The following COLEC10 variants were observed in gnomAD, a reference collection of about 807,000 sequenced individuals.
COLEC10 encodes collectin subfamily member 10, also known as collectin-10.
A neutral mutation model predicts 28.4 loss-of-function variants in COLEC10; 22 were observed. The observed-to-expected ratio is 0.78, with a 90% confidence interval of 0.55 to 1.11. The LOEUF is 1.11. COLEC10 is among the 50% of genes least tolerant of loss of function. The pLI is 0.00. For missense variants in COLEC10, 361 were observed against 344.1 expected, an observed-to-expected ratio of 1.05 and a Z score of -0.39; for synonymous variants, 125 against 116.1, an observed-to-expected ratio of 1.08 and a Z score of -0.49.
intron 1 of COLEC10, among the ~76,000 whole-genome samples, chr8:119,085,880 A>G (rs1815471559): frequency 6.6e-6 from 1 of 151,840 alleles, no homozygotes; most frequent in Non-Finnish European, 1.5e-5. Context: ...GGCCTCCCAA[A>G]GTGCTGAGAT....
At chr8:119,070,580 TCTC>T (rs2130231208) in intron 1 of COLEC10, among the ~76,000 whole-genome samples, 2 of 63,484 alleles carry the variant, frequency 3.2e-5, no homozygotes, top group East Asian at 9.3e-4. Flanking sequence ...CCCCACCCCT[TCTC>T]TCTCTCTCTC....
At chr8:118,996,130 G>A (rs893363446) in intron 1 of COLEC10, among the ~76,000 whole-genome samples, 3 of 152,128 alleles carry the variant, frequency 2.0e-5, no homozygotes, top group Non-Finnish European at 4.4e-5. Flanking sequence ...AAAGGATCAT[G>A]CTGTGTTTGT....
chr8:119,061,520 A>G (rs1814856413), intron 2 of COLEC10, among the ~76,000 whole-genome samples: 1 of 152,030 alleles, frequency 6.6e-6, no homozygotes, highest in African/African-American at 2.4e-5. Flanking sequence ...TGTGAACAAC[A>G]TCAAATTTCT....
the COLEC10 span, among the ~76,000 whole-genome samples, chr8:118,986,928 T>TTACCCA: frequency 6.6e-6 from 1 of 152,182 alleles, no homozygotes; most frequent in South Asian, 2.1e-4. Flanking sequence ...AGGGGATTTC[T>TTACCCA]TTTAGGGTGT....
the COLEC10 span, among the ~76,000 whole-genome samples, chr8:118,986,935 G>A: frequency 6.6e-6 from 1 of 152,132 alleles, no homozygotes; most frequent in South Asian, 2.1e-4. Flanking sequence ...TTCTTTTAGG[G>A]TGTTGAAATG....
intron 2 of COLEC10, among the ~76,000 whole-genome samples, chr8:119,015,773 A>G (rs538375442): frequency 1.3e-5 from 2 of 152,064 alleles, no homozygotes; most frequent in Non-Finnish European, 2.9e-5. Context: ...CTGAGAAGAG[A>G]GTGGTTTTCT....
At chr8:119,098,748 A>G (rs1815767453) in intron 3 of COLEC10, among the ~76,000 whole-genome samples, 1 of 152,054 alleles carries the variant, frequency 6.6e-6, no homozygotes, top group Non-Finnish European at 1.5e-5. Context: ...CTTAATATCA[A>G]TTTCCACCAT....
intron 3 of COLEC10, among the ~76,000 whole-genome samples, chr8:119,097,096 G>C (rs934817642): frequency 6.6e-6 from 1 of 152,098 alleles, no homozygotes; most frequent in African/African-American, 2.4e-5. Flanking sequence ...TTGTAACACA[G>C]TTCTAAGTCA....
chr8:118,981,070 T>C, the COLEC10 span, among the ~76,000 whole-genome samples: 1 of 151,922 alleles, frequency 6.6e-6, no homozygotes, highest in African/African-American at 2.4e-5. Flanking sequence ...GCCTACAGGG[T>C]CTTGTTAGTT....
intron 1 of COLEC10, among the ~76,000 whole-genome samples, chr8:119,001,706 A>AAAAC (rs3082623): frequency 0.63 from 95,180 of 150,646 alleles, 31,441 homozygotes; most frequent in African/African-American, 0.84. Context: ...CCAAAACAGT[A>AAAAC]AAACAAACAA....
chr8:118,953,757 A>C, the COLEC10 span, among the ~76,000 whole-genome samples: 1 of 152,222 alleles, frequency 6.6e-6, no homozygotes, highest in Non-Finnish European at 1.5e-5. Flanking sequence ...TCCTATAGTT[A>C]TGATTATTCT....
At chr8:119,037,783 T>G (rs1175978480) in intron 2 of COLEC10, among the ~76,000 whole-genome samples, 1 of 152,246 alleles carries the variant, frequency 6.6e-6, no homozygotes, top group Non-Finnish European at 1.5e-5. Context: ...CCTTCTCTTC[T>G]TTTGTTCGTG....
the COLEC10 span, among the ~76,000 whole-genome samples, chr8:118,984,246 A>G: frequency 6.6e-6 from 1 of 152,068 alleles, no homozygotes; most frequent in Non-Finnish European, 1.5e-5. Context: ...AAAACCAAAT[A>G]CTATATGTTC....
At chr8:119,063,604 T>C (rs1209059861), upstream of COLEC10, among the ~76,000 whole-genome samples, 1 of 152,112 alleles carries the variant, frequency 6.6e-6, no homozygotes, top group African/African-American at 2.4e-5. Context: ...TCTAGGATGA[T>C]CTCATCTTGA....
chr8:119,044,358 T>C (rs1167300313), intron 2 of COLEC10, among the ~76,000 whole-genome samples: 1 of 152,164 alleles, frequency 6.6e-6, no homozygotes, highest in Non-Finnish European at 1.5e-5. Flanking sequence ...GGTAACACTA[T>C]GTACTTGAAA....
intron 2 of COLEC10, among the ~76,000 whole-genome samples, chr8:119,059,681 G>GGTGGA (rs1202588705): frequency 7.9e-5 from 12 of 152,000 alleles, no homozygotes; most frequent in African/African-American, 2.7e-4. Context: ...TGAGGAGAGA[G>GGTGGA]GTGGAGTTTT....
the COLEC10 span, among the ~76,000 whole-genome samples, chr8:118,970,078 T>C: frequency 6.6e-6 from 1 of 152,086 alleles, no homozygotes; most frequent in Non-Finnish European, 1.5e-5. Context: ...TAGAATCATT[T>C]TGTTATAAAT....
chr8:119,030,969 C>A (rs116934540), intron 2 of COLEC10, among the ~76,000 whole-genome samples: 1 of 152,114 alleles, frequency 6.6e-6, no homozygotes, highest in Non-Finnish European at 1.5e-5. Flanking sequence ...GGACTCTAAT[C>A]ATCTCAGATG....
At chr8:119,101,905 A>G (rs1401044041) in intron 3 of COLEC10, among the ~76,000 whole-genome samples, 1 of 152,150 alleles carries the variant, frequency 6.6e-6, no homozygotes, top group Non-Finnish European at 1.5e-5. Flanking sequence ...ATTGATCGAG[A>G]TTCACATAAC....
Sources: gnomAD v4.1 joint callset for allele counts (sites outside exome capture counted in the v4.1 genomes callset) on GRCh38, gnomAD v4.1.1 for gene constraint, MANE v1.5 for transcripts, NCBI Gene and HGNC (gene_info 2026-07-23, HGNC 2026-07-21) for gene names.